Variants in SETBP1 observed in about 807,000 individuals in gnomAD.
The protein encoded by SETBP1 is SET binding protein 1.
Under a neutral mutation model 101.0 loss-of-function variants are expected in SETBP1, and 9 were observed. The ratio of observed to expected loss-of-function variants is 0.09; its 90% CI spans 0.05 to 0.16. SETBP1 has a LOEUF of 0.16. Ranked by LOEUF, SETBP1 falls within the 10% of genes least tolerant of loss-of-function variation. The probability of loss-of-function intolerance (pLI) is 1.00; values close to 1 mark genes in which losing one functional copy is unlikely to be tolerated. For synonymous variants in SETBP1, 818 were observed against 788.5 expected, an observed-to-expected ratio of 1.04 and a Z score of -0.63; for missense variants, 1,858 against 2,033.8, an observed-to-expected ratio of 0.91 and a Z score of 1.66.
At chr18:44,806,776 A>T (rs943647124) in intron 2 of SETBP1, among the ~76,000 whole-genome samples, 6 of 151,344 alleles carry the variant, frequency 4.0e-5, no homozygotes, top group Non-Finnish European at 1.5e-5. Context: ...GACTCAAGCA[A>T]TCCTCCAACC....
rs1023643409 is a variant in SETBP1 at position 44,990,621 on chromosome 18, AAAAC to A, written c.4000+37290_4000+37293del. ...AACAAACAAACAAACAAACAAACAA[AAAAC>A]AAACAAACCAAAAAAAAACATACAC... On this transcript the variant is annotated intron_variant, in intron 4 of 5. Transcript: ENST00000649279. Among the ~76,000 whole-genome samples, 8 of 147,626 alleles carry A rather than the reference AAAAC, an allele frequency of 5.4e-5. 1 individual carries two copies. The South Asian group carries it at 8.6e-4, about 16-fold the overall frequency.
At chr18:44,885,862 A>AAAAAAC (rs1188238056) in intron 3 of SETBP1, among the ~76,000 whole-genome samples, 8 of 113,940 alleles carry the variant, frequency 7.0e-5, no homozygotes, top group Admixed American at 7.0e-4. Flanking sequence ...AAAAACAAAA[A>AAAAAAC]AAAAAACAAG....
At chr18:44,770,475 C>G (rs1448194473) in intron 2 of SETBP1, among the ~76,000 whole-genome samples, 1 of 152,034 alleles carries the variant, frequency 6.6e-6, no homozygotes, top group East Asian at 1.9e-4. Context: ...TTGATTTATC[C>G]TTTTAGTCTA....
chr18:44,729,872 TTA>T (rs756102679), intron 2 of SETBP1, among the ~76,000 whole-genome samples: 108 of 152,310 alleles, frequency 7.1e-4, no homozygotes, highest in Non-Finnish European at 1.1e-3. Context: ...AGGCTGTGGT[TTA>T]TGTCACACAG....
chr18:44,816,997 C>G (rs568639984), intron 2 of SETBP1, among the ~76,000 whole-genome samples: 18 of 152,186 alleles, frequency 1.2e-4, no homozygotes, highest in Admixed American at 7.2e-4. Context: ...TAATATTGCC[C>G]CTTAGGTTAA....
At position 44,687,363 on chromosome 18, in the gene SETBP1, C is replaced by G. The variant is rs141928081; in HGVS notation, c.-173+6342C>G. 5.5e-3 allele frequency among the ~76,000 whole-genome samples: 836 copies of G among 152,294 alleles called. 9 individuals carry two copies. The highest frequency in any genetic ancestry group is 0.019 in the African/African-American group (781 of 41,562). ...TCCTCAAACCCCTTTAATGGCGCCGCCAACAACTGTCCAAACCAATCCCAC... is the reference window on the plus strand; with the variant it reads ...TCCTCAAACCCCTTTAATGGCGCCGGCAACAACTGTCCAAACCAATCCCAC... On this transcript the variant is annotated intron_variant, in intron 1 of 5. Coordinates refer to ENST00000649279, the MANE Select transcript of SETBP1 (RefSeq NM_015559.3).
rs1339271704 is a variant in SETBP1 at position 44,825,139 on chromosome 18, G to T, written c.487-44091G>T. On this transcript the variant is annotated intron_variant, in intron 2 of 5. Transcript: ENST00000649279. ...GTTTCAAGTTATGGTGCTAGACTTG[G>T]AGTTAGACTGGGATAGATCTTAGAG... 5.9e-5 allele frequency among the ~76,000 whole-genome samples: 9 copies of T among 152,366 alleles called. No homozygotes were observed. The East Asian group carries it at 1.5e-3, about 26-fold the overall frequency.
chr18:44,866,441 G>C (rs187413903), intron 2 of SETBP1, among the ~76,000 whole-genome samples: 72 of 152,166 alleles, frequency 4.7e-4, no homozygotes, highest in African/African-American at 1.7e-3. Flanking sequence ...TGACAAACAG[G>C]TTATTTAGTG....
At chr18:44,710,386 G>T (rs552059863) in intron 2 of SETBP1, among the ~76,000 whole-genome samples, 2 of 150,930 alleles carry the variant, frequency 1.3e-5, no homozygotes, top group African/African-American at 4.9e-5. Context: ...CTTGGTTCAG[G>T]TTCCTGATAA....
intron 3 of SETBP1, among the ~76,000 whole-genome samples, chr18:44,886,773 T>C (rs1599277009): frequency 6.7e-6 from 1 of 148,528 alleles, no homozygotes; most frequent in East Asian, 2.0e-4. Flanking sequence ...ATTATTATTA[T>C]TATTATTATT....
intron 3 of SETBP1, among the ~76,000 whole-genome samples, chr18:44,893,074 G>A (rs998299595): frequency 2.6e-5 from 4 of 152,034 alleles, no homozygotes; most frequent in African/African-American, 9.7e-5. Flanking sequence ...AGCAACCATT[G>A]TTAGCTCAAA....
chr18:45,010,423 A>G (rs546493827), intron 4 of SETBP1, among the ~76,000 whole-genome samples: 27 of 152,348 alleles, frequency 1.8e-4, no homozygotes, highest in African/African-American at 6.5e-4. Flanking sequence ...ACACACACAA[A>G]TGCTTCCTAT....
intron 4 of SETBP1, among the ~76,000 whole-genome samples, chr18:44,990,327 C>T (rs1270907803): frequency 6.6e-6 from 1 of 152,114 alleles, no homozygotes; most frequent in Non-Finnish European, 1.5e-5. Context: ...GGGGCAGGAG[C>T]TCATGCCTGA....
At chr18:44,919,006 C>T (rs1383917848) in intron 3 of SETBP1, among the ~76,000 whole-genome samples, 1 of 152,170 alleles carries the variant, frequency 6.6e-6, no homozygotes, top group African/African-American at 2.4e-5. Flanking sequence ...GCAAAGCCAG[C>T]ATAGCTCGGC....
At chr18:44,748,501 A>G (rs1331489488) in intron 2 of SETBP1, among the ~76,000 whole-genome samples, 1 of 152,234 alleles carries the variant, frequency 6.6e-6, no homozygotes, top group East Asian at 1.9e-4. Context: ...ACAAAACTTC[A>G]GGACAATTCC....
intron 2 of SETBP1, among the ~76,000 whole-genome samples, chr18:44,789,985 A>G (rs2071337543): frequency 6.6e-6 from 1 of 152,192 alleles, no homozygotes; most frequent in Admixed American, 6.5e-5. Context: ...CCCAGGAATG[A>G]TGTCATTTAC....
chr18:44,730,974 G>A (rs2069826779), intron 2 of SETBP1, among the ~76,000 whole-genome samples: 1 of 152,206 alleles, frequency 6.6e-6, no homozygotes. Context: ...CTGTGATAGT[G>A]TGACATTGCC....
chr18:44,975,816 A>G (rs146538197), intron 4 of SETBP1, among the ~76,000 whole-genome samples: 6 of 152,282 alleles, frequency 3.9e-5, no homozygotes, highest in African/African-American at 1.4e-4. Context: ...CATTCTGCAG[A>G]AGATGGTTTG....
At chr18:44,800,717 A>G (rs2071588364) in intron 2 of SETBP1, among the ~76,000 whole-genome samples, 1 of 152,144 alleles carries the variant, frequency 6.6e-6, no homozygotes, top group Non-Finnish European at 1.5e-5. Context: ...AACTGATGAG[A>G]AACAGTGGGA....
Sources: allele counts gnomAD v4.1 joint callset (sites outside exome capture counted in the v4.1 genomes callset), GRCh38; gene constraint gnomAD v4.1.1; transcripts MANE v1.5; gene names NCBI Gene and HGNC (gene_info 2026-07-23, HGNC 2026-07-21).